The following TAFA5 variants were observed in gnomAD, a reference collection of about 807,000 sequenced individuals.
The protein encoded by TAFA5 is chemokine-like protein TAFA-5.
A neutral mutation model predicts 15.3 loss-of-function variants in TAFA5; 6 were observed. The observed-to-expected ratio is 0.39, with a 90% CI of 0.21 to 0.77. The LOEUF is 0.77. Ranked by LOEUF, TAFA5 falls within the 30% of genes least tolerant of loss-of-function variation. TAFA5 has a pLI of 0.41. For missense variants in TAFA5, 161 were observed against 193.1 expected (o/e 0.83, Z 0.98); for synonymous variants, 103 against 80.7 (o/e 1.28, Z -1.48).
At chr22:48,715,859 AGG>A (rs1376090221) in intron 3 of TAFA5, among the ~76,000 whole-genome samples, 3 of 152,244 alleles carry the variant, frequency 2.0e-5, no homozygotes, top group African/African-American at 7.2e-5. Context: ...AGCTCATTAA[AGG>A]AGTGTCGAGA....
intron 1 of TAFA5, among the ~76,000 whole-genome samples, chr22:48,588,231 T>A (rs1032140768): frequency 1.3e-5 from 2 of 152,230 alleles, no homozygotes; most frequent in Non-Finnish European, 2.9e-5. Flanking sequence ...GGCCTGGCCA[T>A]GACCGCAGTG....
intron 1 of TAFA5, among the ~76,000 whole-genome samples, chr22:48,556,784 C>A (rs181916969): frequency 1.3e-5 from 2 of 152,284 alleles, no homozygotes; most frequent in African/African-American, 2.4e-5. Flanking sequence ...AGGGTCCCAC[C>A]TGATCATGGC....
At chr22:48,536,032 G>A (rs1054739101) in intron 1 of TAFA5, among the ~76,000 whole-genome samples, 54 of 152,290 alleles carry the variant, frequency 3.5e-4, no homozygotes, top group African/African-American at 1.2e-3. Context: ...AGGAGTGCCC[G>A]TGTTGTCGAG....
In TAFA5 at chr22:48,523,550, C is replaced by G. The variant is rs189964955; in HGVS notation, c.112+33846C>G. ...GGGGCCCCGGCTCTCTGCCTTCACC[C>G]ACACGGGGCTTGGTGCCACATCCCA... On this transcript the variant is annotated intron_variant, in intron 1 of 3. Transcript: ENST00000402357. 2.8e-3 allele frequency among the ~76,000 whole-genome samples: 432 copies of G among 152,324 alleles called. 3 individuals carry two copies. Among genetic ancestry groups the G allele is most frequent in the African/African-American group, 0.01 (417 of 41,586 alleles).
intron 1 of TAFA5, among the ~76,000 whole-genome samples, chr22:48,493,970 C>G (rs1601832027): frequency 6.6e-6 from 1 of 152,354 alleles, no homozygotes; most frequent in African/African-American, 2.4e-5. Flanking sequence ...GGGGTCTCCA[C>G]TCTTCCACTG....
chr22:48,518,434 C>T (rs1037761102), intron 1 of TAFA5, among the ~76,000 whole-genome samples: 4 of 152,164 alleles, frequency 2.6e-5, no homozygotes, highest in Non-Finnish European at 5.9e-5. Context: ...TGTCCTGAGT[C>T]CACCTCCCCC....
chr22:48,706,039 G>A (rs925215718), intron 2 of TAFA5, among the ~76,000 whole-genome samples: 8 of 152,252 alleles, frequency 5.3e-5, no homozygotes, highest in African/African-American at 1.4e-4. Context: ...GGCTGCAGAC[G>A]GGAGGTGGGG....
At position 48,749,512 on chromosome 22, in the gene TAFA5, C is replaced by T. The variant is rs1159859902; in HGVS notation, c.391-327C>T. Among the ~76,000 whole-genome samples, 2 of 152,164 alleles carry T rather than the reference C, an allele frequency of 1.3e-5. 1 individual carries two copies. The highest frequency in any genetic ancestry group is 2.9e-5 in the Non-Finnish European group (2 of 68,026). On this transcript the variant is annotated intron_variant, in intron 3 of 3. Transcript: ENST00000402357. Reference sequence around the variant, plus strand: ...AGGGAATAGGGAGCCACAGATGGTTCTTGAGCTGTGGAGTGGCAAAGTGAT... The same window carrying T: ...AGGGAATAGGGAGCCACAGATGGTTTTTGAGCTGTGGAGTGGCAAAGTGAT...
chr22:48,582,932 A>T (rs1477348568), intron 1 of TAFA5, among the ~76,000 whole-genome samples: 2 of 148,170 alleles, frequency 1.3e-5, no homozygotes, highest in Non-Finnish European at 3.0e-5. Context: ...CACGCCACAC[A>T]CGAAATACAC....
chr22:48,663,743 C>G (rs758290134), intron 2 of TAFA5, among the ~76,000 whole-genome samples: 1 of 152,222 alleles, frequency 6.6e-6, no homozygotes, highest in Non-Finnish European at 1.5e-5. Flanking sequence ...CTCCCTTTTC[C>G]TGGCATATTC....
chr22:48,666,502 C>CGTG (rs1569071041), intron 2 of TAFA5, among the ~76,000 whole-genome samples: 12 of 53,804 alleles, frequency 2.2e-4, no homozygotes, highest in Admixed American at 6.9e-4. Context: ...TACTGAGGCC[C>CGTG]ATGACCAGGC....
chr22:48,711,306 C>T (rs1022216560), intron 3 of TAFA5, among the ~76,000 whole-genome samples: 3 of 151,986 alleles, frequency 2.0e-5, no homozygotes, highest in African/African-American at 7.3e-5. Flanking sequence ...TGTCTCTCAG[C>T]CTGTGCCTCA....
At chr22:48,596,950 G>C (rs369142074) in intron 1 of TAFA5, among the ~76,000 whole-genome samples, 2 of 152,176 alleles carry the variant, frequency 1.3e-5, no homozygotes, top group Non-Finnish European at 2.9e-5. Flanking sequence ...TGGGATCACA[G>C]GTGTGCACCC....
At chr22:48,731,962 A>G (rs1308173898) in intron 3 of TAFA5, among the ~76,000 whole-genome samples, 1 of 152,244 alleles carries the variant, frequency 6.6e-6, no homozygotes, top group African/African-American at 2.4e-5. Flanking sequence ...CCTTGTGGAG[A>G]GGATTCACCA....
chr22:48,708,135 C>T (rs1929140207), intron 3 of TAFA5, among the ~76,000 whole-genome samples: 2 of 152,210 alleles, frequency 1.3e-5, no homozygotes, highest in African/African-American at 2.4e-5. Context: ...TCGAAACCCC[C>T]TGGTTAGAGC....
intron 1 of TAFA5, among the ~76,000 whole-genome samples, chr22:48,628,717 G>A (rs1447947572): frequency 3.3e-5 from 5 of 152,334 alleles, no homozygotes; most frequent in East Asian, 1.9e-4. Flanking sequence ...GGCTGCCCCC[G>A]GGAGGATTTT....
At chr22:48,546,170 C>T (rs1922660308) in intron 1 of TAFA5, among the ~76,000 whole-genome samples, 1 of 152,234 alleles carries the variant, frequency 6.6e-6, no homozygotes, top group Non-Finnish European at 1.5e-5. Flanking sequence ...CCGGAAGAAG[C>T]GTGCCTCCCC....
chr22:48,724,614 CAAGT>C (rs1490637264), intron 3 of TAFA5, among the ~76,000 whole-genome samples: 2 of 152,206 alleles, frequency 1.3e-5, no homozygotes, highest in African/African-American at 2.4e-5. Context: ...AAGAAAGAAA[CAAGT>C]AAGCGCTGAA....
intron 1 of TAFA5, among the ~76,000 whole-genome samples, chr22:48,622,202 C>A (rs1397044678): frequency 6.6e-6 from 1 of 152,176 alleles, no homozygotes; most frequent in African/African-American, 2.4e-5. Context: ...GGGTCAGAAG[C>A]TCCCAAAGTT....
Sources: allele counts gnomAD v4.1 joint callset (sites outside exome capture counted in the v4.1 genomes callset), GRCh38; gene constraint gnomAD v4.1.1; transcripts MANE v1.5; gene names NCBI Gene and HGNC (gene_info 2026-07-23, HGNC 2026-07-21).